The following ACAD11 variants were observed in gnomAD, a reference collection of about 807,000 sequenced individuals.
ACAD11 encodes acyl-Coenzyme A dehydrogenase family, member 11.
Under a neutral mutation model 102.2 loss-of-function variants are expected in ACAD11, and 83 were observed. That is an observed-to-expected ratio of 0.81 (90% CI 0.68 to 0.97). The LOEUF (loss-of-function observed/expected upper bound fraction) is 0.97, where lower values mean the gene tolerates loss of function less well. Ranked by LOEUF, ACAD11 falls within the 50% of genes least tolerant of loss-of-function variation. The pLI is 0.00. For synonymous variants in ACAD11, 324 were observed against 319.8 expected, an observed-to-expected ratio of 1.01 and a Z score of -0.14; for missense variants, 901 against 951.7, an observed-to-expected ratio of 0.95 and a Z score of 0.70.
In ACAD11 at chr3:132,578,853, G is replaced by A; in HGVS notation, c.1717C>T (p.Pro573Ser). The A allele has an allele frequency of 6.2e-7, 1 of 1,612,906 alleles. No homozygotes were observed. The highest frequency in any genetic ancestry group is 8.5e-7 in the Non-Finnish European group (1 of 1,179,386). ...RHKQHSMILV[P>S]MNTPGVKIIR... ...ATTTTTACTCCAGGTGTGTTCATGG[G>A]AACAAGAATCATGCTGTGCTGTTTG... The change falls in exon 15 of 20, where the codon CCC becomes TCC. Residue 573 changes from proline to serine, a missense_variant. Transcript: ENST00000264990.
chr3:132,562,062 C>A (rs529791541), intron 17 of ACAD11, among the ~76,000 whole-genome samples: 1 of 152,252 alleles, frequency 6.6e-6, no homozygotes, highest in East Asian at 1.9e-4. Flanking sequence ...TTGGTTTATC[C>A]ATTTGCCTGT....
chr3:132,571,355 T>C (rs1937372396), intron 17 of ACAD11, among the ~76,000 whole-genome samples: 1 of 151,942 alleles, frequency 6.6e-6, no homozygotes, highest in Admixed American at 6.6e-5. Flanking sequence ...GTTTTTTTTT[T>C]TTTTTGTAAA....
At chr3:132,605,732 G>A (rs1327764984) in intron 11 of ACAD11, among the ~76,000 whole-genome samples, 1 of 152,158 alleles carries the variant, frequency 6.6e-6, no homozygotes, top group Non-Finnish European at 1.5e-5. Context: ...TCCTGCGTAT[G>A]AGCCACCTCC....
intron 5 of ACAD11, among the ~76,000 whole-genome samples, chr3:132,632,769 A>C (rs1940101418): frequency 6.6e-6 from 1 of 152,184 alleles, no homozygotes; most frequent in African/African-American, 2.4e-5. Context: ...AGTGGTTTGT[A>C]GTTCTCCTTG....
intron 11 of ACAD11, among the ~76,000 whole-genome samples, chr3:132,612,570 T>C (rs571467100): frequency 3.3e-5 from 5 of 152,074 alleles, no homozygotes; most frequent in Non-Finnish European, 7.4e-5. Context: ...GTGAACGATA[T>C]GAACAGACAC....
At chr3:132,653,061 C>T (rs761758781) in intron 1 of ACAD11, among the ~76,000 whole-genome samples, 2 of 152,150 alleles carry the variant, frequency 1.3e-5, no homozygotes, top group Admixed American at 6.5e-5. Flanking sequence ...TACAGCAACA[C>T]TAGAAAGGGA....
At chr3:132,577,706 C>T (rs1320259295) in intron 15 of ACAD11, among the ~76,000 whole-genome samples, 1 of 152,156 alleles carries the variant, frequency 6.6e-6, no homozygotes, top group Non-Finnish European at 1.5e-5. Context: ...CTTTTCCTGT[C>T]AGAGGAGACA....
At chr3:132,600,888 C>T (rs1421897777) in intron 13 of ACAD11, 1 of 1,613,522 alleles carries the variant, frequency 6.2e-7, no homozygotes, top group African/African-American at 1.3e-5. Flanking sequence ...GTCTGGATGG[C>T]TGCCATCTTG....
intron 13 of ACAD11, among the ~76,000 whole-genome samples, chr3:132,590,319 C>T (rs969863662): frequency 3.9e-5 from 6 of 152,110 alleles, no homozygotes; most frequent in African/African-American, 7.2e-5. Flanking sequence ...TAGAGTGGCG[C>T]GATCTCAGCT....
intron 1 of ACAD11, among the ~76,000 whole-genome samples, chr3:132,649,012 G>A (rs903441746): frequency 6.6e-6 from 1 of 152,222 alleles, no homozygotes; most frequent in African/African-American, 2.4e-5. Context: ...TTAACAAAAT[G>A]TTTACAGGCA....
At chr3:132,656,847 TTG>T (rs1465699688) in intron 1 of ACAD11, among the ~76,000 whole-genome samples, 30 of 143,516 alleles carry the variant, frequency 2.1e-4, no homozygotes, top group African/African-American at 7.5e-4. Context: ...TCTCATTGTG[TTG>T]TTTTTTTTTT....
At chr3:132,602,210 T>C (rs959382680) in intron 13 of ACAD11, 1 of 166,886 alleles carries the variant, frequency 6.0e-6, no homozygotes, top group Non-Finnish European at 1.5e-5. Flanking sequence ...AAACAAACTA[T>C]AATAAGCTTT....
chr3:132,619,588 T>C (rs749591071), intron 9 of ACAD11, 43 bp from the exon 10 acceptor site: 3 of 1,145,648 alleles, frequency 2.6e-6, no homozygotes, highest in Non-Finnish European at 3.8e-6. Context: ...CTAAAGTTAA[T>C]ACAAAGTAAA....
At chr3:132,573,743 A>G (rs1211758617) in intron 17 of ACAD11, among the ~76,000 whole-genome samples, 4 of 152,228 alleles carry the variant, frequency 2.6e-5, no homozygotes, top group Non-Finnish European at 4.4e-5. Flanking sequence ...GGGTCTCTAT[A>G]GACCCTAGAT....
intron 16 of ACAD11, among the ~76,000 whole-genome samples, chr3:132,576,130 T>C (rs1449956198): frequency 6.6e-6 from 1 of 152,218 alleles, no homozygotes; most frequent in Non-Finnish European, 1.5e-5. Flanking sequence ...CCATTAAACA[T>C]TTCAAATTTC....
intron 5 of ACAD11, among the ~76,000 whole-genome samples, chr3:132,633,510 A>C (rs1005985406): frequency 1.3e-5 from 2 of 152,014 alleles, no homozygotes; most frequent in Non-Finnish European, 2.9e-5. Context: ...ATCGATGTTC[A>C]TTAGGGATAT....
chr3:132,642,759 C>G lies in ACAD11; in HGVS notation c.293G>C (p.Gly98Ala), dbSNP rs1165390812. ...CAGTATAGGCTTGGGAACGGGGAAT[C>G]CAATTGAAAACAAGGCTTTCTGGAC... is the stretch of plus-strand genomic sequence containing the variant. ...FKVQKALFSIGFPVPKPILYC... is the reference protein window; with the variant it reads ...FKVQKALFSIAFPVPKPILYC... The change falls in exon 3 of 20, where the codon GGA becomes GCA. Residue 98 changes from glycine to alanine, a missense_variant. Gly to Ala is a moderately conservative substitution (Grantham distance 60). Transcript: ENST00000264990. 6.2e-7 allele frequency: 1 copy of G among 1,613,174 alleles called. No homozygotes were observed. The highest frequency in any genetic ancestry group is 8.5e-7 in the Non-Finnish European group (1 of 1,179,654).
At chr3:132,604,330 T>C (rs1012629516) in intron 12 of ACAD11, among the ~76,000 whole-genome samples, 1 of 152,216 alleles carries the variant, frequency 6.6e-6, no homozygotes, top group Non-Finnish European at 1.5e-5. Context: ...AACTGTATCA[T>C]AGGTACATAT....
intron 1 of ACAD11, among the ~76,000 whole-genome samples, chr3:132,648,996 G>A (rs1271166621): frequency 6.6e-6 from 1 of 152,226 alleles, no homozygotes; most frequent in Admixed American, 6.5e-5. Flanking sequence ...TGCAAGATGT[G>A]CCTTGTTAAC....
Sources: gnomAD v4.1 joint callset for allele counts (sites outside exome capture counted in the v4.1 genomes callset) on GRCh38, gnomAD v4.1.1 for gene constraint, MANE v1.5 for transcripts, NCBI Gene and HGNC (gene_info 2026-07-23, HGNC 2026-07-21) for gene names.